NEIL3: variants seen among roughly 807,000 people sequenced by gnomAD.
NEIL3 encodes the protein endonuclease 8-like 3.
Under a neutral mutation model 57.5 loss-of-function variants are expected in NEIL3, and 48 were observed. The observed-to-expected ratio is 0.83, with a 90% confidence interval of 0.66 to 1.06. NEIL3 has a LOEUF of 1.06. Among genes scored for constraint, NEIL3 ranks in the 50% least tolerant of loss-of-function variants. The pLI is 0.00. For synonymous variants in NEIL3, 261 were observed against 253.2 expected, an observed-to-expected ratio of 1.03 and a Z score of -0.29; for missense variants, 717 against 739.1, an observed-to-expected ratio of 0.97 and a Z score of 0.35.
intron 1 of NEIL3, among the ~76,000 whole-genome samples, chr4:177,312,271 GT>G (rs962141345): frequency 2.8e-4 from 43 of 152,046 alleles, no homozygotes; most frequent in African/African-American, 9.7e-4. Context: ...CTAAACCAGG[GT>G]TTGATTTTTC....
chr4:177,334,643 C>A (rs976074354), intron 2 of NEIL3, among the ~76,000 whole-genome samples: 4 of 152,174 alleles, frequency 2.6e-5, no homozygotes, highest in African/African-American at 9.7e-5. Flanking sequence ...CTGTCAAGAA[C>A]TATGGGGCAT....
intron 6 of NEIL3, among the ~76,000 whole-genome samples, chr4:177,345,795 T>C (rs1452226097): frequency 1.3e-5 from 2 of 150,816 alleles, no homozygotes; most frequent in African/African-American, 4.9e-5. Flanking sequence ...GTTCAAATGA[T>C]TCTCCTACCT....
intron 1 of NEIL3, among the ~76,000 whole-genome samples, chr4:177,320,639 G>T (rs544495891): frequency 6.6e-6 from 1 of 151,226 alleles, no homozygotes; most frequent in Non-Finnish European, 1.5e-5. Flanking sequence ...CACCATGCCC[G>T]GCTAATTTTT....
At chr4:177,349,114 C>G (rs757273014) in intron 6 of NEIL3, among the ~76,000 whole-genome samples, 76 of 148,180 alleles carry the variant, frequency 5.1e-4, no homozygotes, top group Non-Finnish European at 9.3e-4. Flanking sequence ...GATCTCCTGA[C>G]CTTGTGATCC....
intron 6 of NEIL3, among the ~76,000 whole-genome samples, chr4:177,345,721 A>C (rs1735208665): frequency 7.9e-6 from 1 of 125,884 alleles, no homozygotes; most frequent in African/African-American, 3.0e-5. Flanking sequence ...ACAGAGTCTC[A>C]ATCTATCACC....
intron 2 of NEIL3, among the ~76,000 whole-genome samples, chr4:177,326,784 G>A (rs535756334): frequency 6.6e-6 from 1 of 152,052 alleles, no homozygotes; most frequent in Admixed American, 6.5e-5. Context: ...AACTAAGTGG[G>A]TTTTTTTGGA....
In NEIL3 at chr4:177,309,906, A is replaced by G. The variant is rs759234795; in HGVS notation, c.-48A>G. The G allele has an allele frequency of 1.3e-6, 2 of 1,582,196 alleles. No homozygotes were observed. Among genetic ancestry groups the G allele is most frequent in the Non-Finnish European group, 1.7e-6 (2 of 1,166,778 alleles). ...GCGCAGCGTTGAGTTGCACAGCGGT[A>G]TTCTCACCAGGCCCTGCAATCGGTG... On this transcript the variant is annotated 5_prime_UTR_variant, in exon 1 of 10. Transcript: ENST00000264596.
At chr4:177,364,459 T>C (rs1735666300), downstream of NEIL3, among the ~76,000 whole-genome samples, 1 of 152,156 alleles carries the variant, frequency 6.6e-6, no homozygotes. Context: ...CCTGAAGTAT[T>C]TCTCATCTAC....
At chr4:177,336,378 C>A in intron 4 of NEIL3, 57 bp downstream of exon 4, 7 of 1,346,962 alleles carry the variant, frequency 5.2e-6, no homozygotes, top group Non-Finnish European at 7.4e-6. Flanking sequence ...GTGAAGGAAC[C>A]AACGTGGAAG....
rs1735589910 is a variant in NEIL3, at chr4:177,360,623, C to A, written c.1581C>A (p.Gly527=). ...RVVGKDGENK[G]RQFYACPLPR... ...TGGGGAAGGATGGGGAAAACAAGGGCAGGCAGTTTTATGCCTGTCCTCTAC... is the reference window on the plus strand; with the variant it reads ...TGGGGAAGGATGGGGAAAACAAGGGAAGGCAGTTTTATGCCTGTCCTCTAC... The change falls in exon 9 of 10, where the codon GGC becomes GGA. Residue 527 remains glycine, a synonymous_variant. Transcript: ENST00000264596. The A allele has an allele frequency of 1.9e-6, 3 of 1,613,920 alleles. No individual in the cohort carries two copies. The highest frequency in any genetic ancestry group is 2.5e-6 in the Non-Finnish European group (3 of 1,179,868).
intron 2 of NEIL3, among the ~76,000 whole-genome samples, chr4:177,333,518 A>C (rs1164057279): frequency 6.6e-6 from 1 of 152,182 alleles, no homozygotes; most frequent in South Asian, 2.1e-4. Context: ...AAAATTTAAA[A>C]AAGTGTATGA....
rs1734443618 is a variant in NEIL3, at chr4:177,309,983, T to C, written c.30T>C (p.Asn10=). 1.2e-6 allele frequency: 2 copies of C among 1,610,052 alleles called. No individual in the cohort carries two copies. Among genetic ancestry groups the C allele is most frequent in the African/African-American group, 1.3e-5 (1 of 74,694 alleles). The change falls in exon 1 of 10, where the codon AAT becomes AAC. Residue 10 remains asparagine (N), a synonymous_variant. Coordinates refer to ENST00000264596, the MANE Select transcript of NEIL3 (RefSeq NM_018248.3). ...TGGAAGGACCAGGCTGTACTCTGAA[T>C]GGAGAGAAGATTCGCGCGCGGGTGC... MVEGPGCTL[N]GEKIRARVLP...
At chr4:177,320,466 CTTTTTT>C (rs34353849) in intron 1 of NEIL3, among the ~76,000 whole-genome samples, 5 of 77,422 alleles carry the variant, frequency 6.5e-5, no homozygotes, top group African/African-American at 2.2e-4. Flanking sequence ...TGACTGCTGT[CTTTTTT>C]TTTTTTTTTT....
Position 177,351,520 on chromosome 4 carries a change from G to A in NEIL3, c.1010G>A (p.Cys337Tyr). 1.2e-6 allele frequency: 2 copies of A among 1,613,708 alleles called. No homozygotes were observed. The highest frequency in any genetic ancestry group is 1.7e-6 in the Non-Finnish European group (2 of 1,179,886). Reference protein sequence around the residue: ...TLINKPSSKACDACLTSRPID... With the variant: ...TLINKPSSKAYDACLTSRPID... ...ATCAATAAGCCCTCTTCTAAGGCAT[G>A]TGATGCTTGCTTGACCTCAAGGCCT... Residue 337 changes from cysteine to tyrosine, a missense_variant, in exon 7 of 10, where the codon TGT becomes TAT. By Grantham distance (194) the Cys-to-Tyr change is radical. Transcript: ENST00000264596.
downstream of NEIL3, among the ~76,000 whole-genome samples, chr4:177,363,715 A>G (rs1735653013): frequency 6.6e-6 from 1 of 152,212 alleles, no homozygotes; most frequent in African/African-American, 2.4e-5. Flanking sequence ...ATAAACTTAC[A>G]TCCTTATCCT....
chr4:177,328,306 T>C (rs1297481056), intron 2 of NEIL3, among the ~76,000 whole-genome samples: 1 of 152,176 alleles, frequency 6.6e-6, no homozygotes, highest in Non-Finnish European at 1.5e-5. Context: ...AAGACATCTT[T>C]GGATTTAAAT....
intron 2 of NEIL3, among the ~76,000 whole-genome samples, chr4:177,326,964 C>G (rs540666801): frequency 6.6e-6 from 1 of 151,984 alleles, no homozygotes; most frequent in Non-Finnish European, 1.5e-5. Context: ...TCCCATGTGT[C>G]GAGGTGTGGG....
intron 2 of NEIL3, among the ~76,000 whole-genome samples, chr4:177,328,438 G>A (rs532082738): frequency 1.4e-4 from 21 of 152,206 alleles, no homozygotes; most frequent in African/African-American, 5.1e-4. Context: ...AGAAAGTGCT[G>A]GAAGCAGAGA....
In NEIL3 at chr4:177,339,777, T is replaced by G; in HGVS notation, c.628-6T>G. 6.2e-7 allele frequency: 1 copy of G among 1,606,720 alleles called. No individual in the cohort carries two copies. The highest frequency in any genetic ancestry group is 8.5e-7 in the Non-Finnish European group (1 of 1,173,564). ...AACTAGGCTCTGCTGTTTTTTCCAC[T>G]TCAAGGTTTGTCAATTAACAGATGA... On this transcript the variant is annotated splice_polypyrimidine_tract_variant and splice_region_variant and intron_variant, in intron 4 of 9. Transcript: ENST00000264596.
Sources: allele counts gnomAD v4.1 joint callset (sites outside exome capture counted in the v4.1 genomes callset), GRCh38; gene constraint gnomAD v4.1.1; transcripts MANE v1.5; gene names NCBI Gene and HGNC (gene_info 2026-07-23, HGNC 2026-07-21).